Variants in PTPRM observed in about 807,000 individuals in gnomAD.
The protein encoded by PTPRM is protein tyrosine phosphatase receptor type M.
Under a neutral mutation model 186.7 loss-of-function variants are expected in PTPRM, and 47 were observed. The ratio of observed to expected loss-of-function variants is 0.25; its 90% CI spans 0.20 to 0.32. PTPRM has a LOEUF of 0.32. PTPRM is among the 10% of genes least tolerant of loss of function. The pLI, the probability that PTPRM is intolerant of heterozygous loss-of-function variation, is 1.00. For synonymous variants in PTPRM, 668 were observed against 674.9 expected, an observed-to-expected ratio of 0.99 and a Z score of 0.16; for missense variants, 1,494 against 1,865.0, an observed-to-expected ratio of 0.80 and a Z score of 3.66.
chr18:8,230,686 G>A (rs766378429), intron 14 of PTPRM, among the ~76,000 whole-genome samples: 44 of 152,148 alleles, frequency 2.9e-4, no homozygotes, highest in Non-Finnish European at 3.8e-4. Context: ...ATAAATTTTT[G>A]TAATTACTAT....
intron 13 of PTPRM, among the ~76,000 whole-genome samples, chr18:8,115,587 A>G (rs2091925924): frequency 6.6e-6 from 1 of 152,242 alleles, no homozygotes. Flanking sequence ...ATTAACACTC[A>G]AAGTCAAATA....
At chr18:8,327,430 C>G (rs948425533) in intron 22 of PTPRM, among the ~76,000 whole-genome samples, 1 of 152,212 alleles carries the variant, frequency 6.6e-6, no homozygotes, top group Non-Finnish European at 1.5e-5. Flanking sequence ...TCATCATGAC[C>G]AGGGCATCTG....
intron 19 of PTPRM, among the ~76,000 whole-genome samples, chr18:8,294,130 T>C (rs1426428623): frequency 1.3e-5 from 2 of 152,100 alleles, no homozygotes; most frequent in African/African-American, 4.8e-5. Context: ...TGCATGCCTG[T>C]AATTCCAGCT....
intron 5 of PTPRM, among the ~76,000 whole-genome samples, chr18:7,942,752 A>C (rs190562974): frequency 5.9e-5 from 9 of 152,148 alleles, no homozygotes; most frequent in African/African-American, 1.9e-4. Flanking sequence ...TTGGGGTACC[A>C]TTTCCTGCAC....
intron 22 of PTPRM, among the ~76,000 whole-genome samples, chr18:8,341,548 A>G (rs556259930): frequency 8.7e-4 from 132 of 152,292 alleles, no homozygotes; most frequent in African/African-American, 3.1e-3. Context: ...TGACAAGGGA[A>G]GTGGCTTTGC....
At chr18:7,769,752 G>A (rs2042186022) in intron 1 of PTPRM, among the ~76,000 whole-genome samples, 1 of 152,090 alleles carries the variant, frequency 6.6e-6, no homozygotes, top group Admixed American at 6.6e-5. Context: ...AATTACCTGG[G>A]TATTTGCCAT....
intron 14 of PTPRM, among the ~76,000 whole-genome samples, chr18:8,230,200 G>A (rs890513302): frequency 6.6e-6 from 1 of 152,112 alleles, no homozygotes; most frequent in African/African-American, 2.4e-5. Context: ...TAAAAACCCT[G>A]ACTTGTCTTA....
At chr18:8,245,598 C>T (rs910373711) in intron 15 of PTPRM, among the ~76,000 whole-genome samples, 20 of 152,050 alleles carry the variant, frequency 1.3e-4, no homozygotes, top group Admixed American at 1.0e-3. Context: ...AAGAAAGCAA[C>T]CTATGATGCA....
Position 8,314,793 on chromosome 18 carries a change from G to A in PTPRM, c.2855G>A (p.Arg952Gln), listed in dbSNP as rs780055249. The A allele has an allele frequency of 2.5e-6, 4 of 1,611,644 alleles. No homozygotes were observed. The highest frequency in any genetic ancestry group is 8.5e-7 in the Non-Finnish European group (1 of 1,178,462). The change falls in exon 21 of 33, where the codon CGA becomes CAA. Residue 952 changes from arginine (R) to glutamine (Q), a missense_variant. This residue lies in a region of PTPRM where 1,107 missense variants were observed against 1,350.2 expected (regional missense o/e 0.82). Transcript: ENST00000580170. ...YGNIIAYDHS[R>Q]VRLQTIEGDT... ...TTTTCCTTTGCAGACGATCATTCCC[G>A]AGTGAGGCTGCAGACAATAGAAGGA...
At chr18:7,621,758 T>A (rs1294928412) in intron 1 of PTPRM, among the ~76,000 whole-genome samples, 1 of 152,214 alleles carries the variant, frequency 6.6e-6, no homozygotes, top group Admixed American at 6.5e-5. Context: ...CACTTAATAA[T>A]ATGCATTTAA....
chr18:8,246,527 A>G (rs550874879), intron 15 of PTPRM, among the ~76,000 whole-genome samples: 2 of 152,298 alleles, frequency 1.3e-5, no homozygotes, highest in African/African-American at 2.4e-5. Flanking sequence ...GTGAAGATAA[A>G]CACAGTTATT....
At chr18:7,923,877 A>T (rs1239369412) in intron 4 of PTPRM, among the ~76,000 whole-genome samples, 1 of 152,210 alleles carries the variant, frequency 6.6e-6, no homozygotes, top group Non-Finnish European at 1.5e-5. Context: ...AACTCTGGGG[A>T]TCTGAATGGG....
chr18:7,769,582 G>C (rs1458130291), intron 1 of PTPRM, among the ~76,000 whole-genome samples: 1 of 152,040 alleles, frequency 6.6e-6, no homozygotes, highest in Admixed American at 6.6e-5. Context: ...ATTTTTTGGT[G>C]GTGGGTGGGT....
chr18:8,404,112 C>T (rs1368455734), intron 32 of PTPRM: 2 of 152,174 alleles, frequency 1.3e-5, no homozygotes, highest in African/African-American at 4.8e-5. Context: ...TGTGTTTAAC[C>T]TTTTGAGGAG....
intron 11 of PTPRM, among the ~76,000 whole-genome samples, chr18:8,107,110 A>G (rs1002278852): frequency 3.9e-5 from 6 of 152,228 alleles, no homozygotes; most frequent in African/African-American, 9.6e-5. Context: ...TACTTTTCAT[A>G]ATAGTAACTA....
chr18:7,685,183 C>G (rs376844172), intron 1 of PTPRM, among the ~76,000 whole-genome samples: 5 of 152,264 alleles, frequency 3.3e-5, no homozygotes, highest in Admixed American at 2.0e-4. Context: ...CCACCCACCA[C>G]CAGGGTCATC....
chr18:7,826,262 A>G lies in PTPRM; in HGVS notation c.196+51991A>G, dbSNP rs138490983. On this transcript the variant is annotated intron_variant, in intron 2 of 32. Coordinates refer to ENST00000580170, the MANE Select transcript of PTPRM (RefSeq NM_001105244.2). ...GAGATTTATATTTCATAAAACTTATATATGATGAAGTATTTAAATTCAACA... is the reference window on the plus strand; with the variant it reads ...GAGATTTATATTTCATAAAACTTATGTATGATGAAGTATTTAAATTCAACA... Among the ~76,000 whole-genome samples the G allele has an allele frequency of 3.9e-4, 59 of 152,360 alleles. 1 individual carries two copies. Among genetic ancestry groups the G allele is most frequent in the East Asian group, 3.9e-3 (20 of 5,178 alleles).
At position 8,244,320 on chromosome 18, in the gene PTPRM, C is replaced by T. The variant is rs955606112; in HGVS notation, c.2452+111C>T. Reference sequence around the variant, plus strand: ...AAAGCTTCCTGAAGAAATTTTTATGCCGTGTTGGTTTCTTCAGTCATTTTC... The same window carrying T: ...AAAGCTTCCTGAAGAAATTTTTATGTCGTGTTGGTTTCTTCAGTCATTTTC... On this transcript the variant is annotated intron_variant, in intron 15 of 32. Transcript: ENST00000580170. The T allele has an allele frequency of 7.1e-6, 8 of 1,123,940 alleles. No individual in the cohort carries two copies. In the African/African-American group the frequency reaches 9.8e-5, roughly 14 times the overall value. The allele number at this position is 1,123,940 out of a possible 1,614,324, so 69.6% of individuals were successfully genotyped here. A position where few individuals can be genotyped will look rare whatever the true frequency, so the allele number is the denominator to read the frequency against.
chr18:7,678,676 G>A (rs181243905), intron 1 of PTPRM, among the ~76,000 whole-genome samples: 7 of 152,246 alleles, frequency 4.6e-5, no homozygotes, highest in African/African-American at 1.7e-4. Flanking sequence ...ATGTCATACC[G>A]TACTTACCAA....
Sources: allele counts gnomAD v4.1 joint callset (sites outside exome capture counted in the v4.1 genomes callset), GRCh38; gene constraint gnomAD v4.1.1; regional missense constraint gnomAD v4.1.1; transcripts MANE v1.5; gene names NCBI Gene and HGNC (gene_info 2026-07-23, HGNC 2026-07-21).